ANXA13: variants seen among roughly 807,000 people sequenced by gnomAD.
The protein encoded by ANXA13 is annexin XIII.
Under a neutral mutation model 46.6 loss-of-function variants are expected in ANXA13, and 36 were observed. The observed-to-expected ratio is 0.77, with a 90% CI of 0.59 to 1.02. ANXA13 has a LOEUF of 1.02. ANXA13 is among the 50% of genes least tolerant of loss of function. ANXA13 has a pLI of 0.00. For missense variants in ANXA13, 417 were observed against 396.5 expected (o/e 1.05, Z -0.44); for synonymous variants, 163 against 152.9 (o/e 1.07, Z -0.49).
intron 9 of ANXA13, among the ~76,000 whole-genome samples, chr8:123,685,846 G>A (rs552532068): frequency 1.3e-5 from 2 of 152,290 alleles, no homozygotes; most frequent in African/African-American, 4.8e-5. Context: ...TGGTTCAGGG[G>A]AAACTTGCAT....
chr8:123,697,150 T>A (rs1434827070), intron 4 of ANXA13, among the ~76,000 whole-genome samples: 2 of 152,192 alleles, frequency 1.3e-5, no homozygotes, highest in African/African-American at 4.8e-5. Context: ...TGACCTCAAG[T>A]GATCCTCCTG....
intron 1 of ANXA13, among the ~76,000 whole-genome samples, chr8:123,717,750 G>A (rs1218710416): frequency 6.6e-6 from 1 of 152,224 alleles, no homozygotes; most frequent in Non-Finnish European, 1.5e-5. Context: ...GGAGATGGCT[G>A]CACTCTAGTA....
chr8:123,700,503 G>C (rs6470173), intron 3 of ANXA13, among the ~76,000 whole-genome samples: 134,833 of 152,232 alleles, frequency 0.89, 60,192 homozygotes, highest in African/African-American at 0.95. Flanking sequence ...TAGATTATCT[G>C]TTTGGCAGTC....
chr8:123,720,154 T>C (rs1813834436), intron 1 of ANXA13, among the ~76,000 whole-genome samples: 1 of 152,168 alleles, frequency 6.6e-6, no homozygotes, highest in African/African-American at 2.4e-5. Flanking sequence ...CAATGGTTGC[T>C]TAGTATCTGG....
chr8:123,696,375 C>T (rs982873114), intron 4 of ANXA13, among the ~76,000 whole-genome samples: 2 of 152,194 alleles, frequency 1.3e-5, no homozygotes, highest in Non-Finnish European at 2.9e-5. Context: ...GTTTTCTCTC[C>T]TTCAAACAAG....
intron 10 of ANXA13, 128 bp downstream of exon 10, chr8:123,684,482 A>AGCAGAAGAC: frequency 1.6e-6 from 1 of 634,698 alleles, no homozygotes. Flanking sequence ...AATTCTGGGA[A>AGCAGAAGAC]GGCAAGGGGC....
At chr8:123,736,006 G>T in intron 1 of ANXA13, 1 of 958,278 alleles carries the variant, frequency 1.0e-6, no homozygotes, top group Non-Finnish European at 1.4e-6. Flanking sequence ...ATTATTCCTG[G>T]GGTCCTCTGC....
At chr8:123,681,619 C>CT (rs5894670) in intron 10 of ANXA13, among the ~76,000 whole-genome samples, 5,436 of 106,990 alleles carry the variant, frequency 0.051, 155 homozygotes, top group Middle Eastern at 0.061. Context: ...TCTTGAATTT[C>CT]TTTTTTTTTT....
At chr8:123,717,727 T>G (rs1309877819) in intron 1 of ANXA13, among the ~76,000 whole-genome samples, 2 of 152,204 alleles carry the variant, frequency 1.3e-5, no homozygotes, top group Non-Finnish European at 1.5e-5. Context: ...TGTACTTTCT[T>G]CATGGTTGTA....
chr8:123,722,143 A>G (rs1813886683), intron 1 of ANXA13, among the ~76,000 whole-genome samples: 1 of 151,978 alleles, frequency 6.6e-6, no homozygotes, highest in African/African-American at 2.4e-5. Flanking sequence ...TGTCTCTACA[A>G]AAAATTTTAA....
chr8:123,708,083 C>G (rs932185322), intron 2 of ANXA13, among the ~76,000 whole-genome samples: 1 of 152,064 alleles, frequency 6.6e-6, no homozygotes, highest in African/African-American at 2.4e-5. Flanking sequence ...TTACATTTCA[C>G]AATATGTGTA....
Position 123,690,491 on chromosome 8 carries a change from T to C in ANXA13, c.643-1545A>G, listed in dbSNP as rs150115752. On this transcript the variant is annotated intron_variant, in intron 8 of 10. Transcript: ENST00000419625. This position sits in a 1 kb window ranked among gnomAD's most constrained non-coding sequence, Gnocchi z 4.6. ...AACAAGAAGGTACTGCCCTGTCTGC[T>C]TCCTGCCCCACCCTACTCCTGGTAG... Among the ~76,000 whole-genome samples the C allele has an allele frequency of 1.3e-5, 2 of 152,304 alleles. No individual in the cohort carries two copies. The highest frequency in any genetic ancestry group is 1.9e-4 in the East Asian group (1 of 5,180).
intron 8 of ANXA13, among the ~76,000 whole-genome samples, chr8:123,692,205 T>C (rs898853157): frequency 6.6e-6 from 1 of 152,070 alleles, no homozygotes; most frequent in Admixed American, 6.6e-5. Context: ...AGTCTTGGAG[T>C]TCTCATCCAC....
chr8:123,692,810 G>C (rs920515169), intron 8 of ANXA13, among the ~76,000 whole-genome samples: 1 of 152,098 alleles, frequency 6.6e-6, no homozygotes, highest in African/African-American at 2.4e-5. Context: ...GTAGACCCAG[G>C]ATTTGCACCT....
At chr8:123,683,479 A>C in intron 10 of ANXA13, among the ~76,000 whole-genome samples, 1 of 126,120 alleles carries the variant, frequency 7.9e-6, no homozygotes. Flanking sequence ...GCTTAGTTCC[A>C]CTTCATTCCC....
intron 2 of ANXA13, among the ~76,000 whole-genome samples, chr8:123,704,098 G>C (rs6998763): frequency 0.29 from 43,999 of 151,972 alleles, 6,911 homozygotes; most frequent in South Asian, 0.45. Context: ...CCAGTCCGCG[G>C]TGGTCCTAAG....
rs781584561 is a variant in ANXA13 at position 123,684,728 on chromosome 8, C to A, written c.719-6G>T. On this transcript the variant is annotated splice_region_variant and splice_polypyrimidine_tract_variant and intron_variant, in intron 9 of 10. Coordinates refer to ENST00000419625, the MANE Select transcript of ANXA13 (RefSeq NM_004306.4). ...ACAATCCTGGGCACATCTCACTGGGCAGGACAAAGGAAAAGAGAATGTGAG... is the reference window on the plus strand; with the variant it reads ...ACAATCCTGGGCACATCTCACTGGGAAGGACAAAGGAAAAGAGAATGTGAG... 6.3e-7 allele frequency: 1 copy of A among 1,598,636 alleles called. No homozygotes were observed. The highest frequency in any genetic ancestry group is 1.1e-5 in the South Asian group (1 of 90,740).
chr8:123,736,008 G>T, intron 1 of ANXA13: 2 of 927,554 alleles, frequency 2.2e-6, no homozygotes, highest in Non-Finnish European at 1.5e-6. Flanking sequence ...TATTCCTGGG[G>T]TCCTCTGCAT....
At chr8:123,703,548 A>T (rs1000731880) in intron 2 of ANXA13, among the ~76,000 whole-genome samples, 10 of 152,202 alleles carry the variant, frequency 6.6e-5, no homozygotes, top group Non-Finnish European at 1.5e-4. Context: ...AAGGAAAAAG[A>T]TGGCCTGTTC....
Sources: allele counts gnomAD v4.1 joint callset (sites outside exome capture counted in the v4.1 genomes callset), GRCh38; gene constraint gnomAD v4.1.1; non-coding constraint Gnocchi (gnomAD v3.1); transcripts MANE v1.5; gene names NCBI Gene and HGNC (gene_info 2026-07-23, HGNC 2026-07-21).